Variants in PRKDC observed in about 807,000 individuals in gnomAD.
PRKDC encodes the protein protein kinase, DNA-activated, catalytic subunit.
Under a neutral mutation model 486.9 loss-of-function variants are expected in PRKDC, and 82 were observed. That is an observed-to-expected ratio of 0.17 (90% CI 0.14 to 0.20). The LOEUF is 0.20. PRKDC is among the 10% of genes least tolerant of loss of function. The pLI is 1.00. For synonymous variants in PRKDC, 1,895 were observed against 1,837.0 expected, an observed-to-expected ratio of 1.03 and a Z score of -0.81; for missense variants, 4,504 against 5,038.2, an observed-to-expected ratio of 0.89 and a Z score of 3.21.
intron 80 of PRKDC, among the ~76,000 whole-genome samples, chr8:47,780,858 A>G (rs2086687981): frequency 1.3e-5 from 2 of 152,162 alleles, no homozygotes; most frequent in South Asian, 2.1e-4. Flanking sequence ...GAATTGCTGG[A>G]ACCCGGGAAG....
chr8:47,800,010 A>C (rs2087066534), intron 71 of PRKDC, among the ~76,000 whole-genome samples: 1 of 152,212 alleles, frequency 6.6e-6, no homozygotes, highest in Non-Finnish European at 1.5e-5. Flanking sequence ...CATGATTTTT[A>C]ATATTAAAAA....
At chr8:47,789,287 A>G in intron 74 of PRKDC, 49 bp from the exon 75 acceptor site, 1 of 1,003,426 alleles carries the variant, frequency 1.0e-6, no homozygotes, top group Non-Finnish European at 1.4e-6. Context: ...TCTTCCAAAA[A>G]TCAATATATA....
In PRKDC at chr8:47,930,204, T is replaced by C. The variant is rs1213008424; in HGVS notation, c.1893-192A>G. On this transcript the variant is annotated intron_variant, in intron 17 of 85. Coordinates refer to ENST00000314191, the MANE Select transcript of PRKDC (RefSeq NM_006904.7). The stretch of plus-strand genomic sequence containing the variant: ...TTTTAAATATAAAAAATGAAAACTG[T>C]AACCTAGTACACTTAGATATATTTT... Among the ~76,000 whole-genome samples, 3 of 152,352 alleles carry C rather than the reference T, an allele frequency of 2.0e-5. No homozygotes were observed. In the East Asian group the frequency reaches 5.8e-4, roughly 29 times the overall value.
At chr8:47,833,931 C>G (rs746120883) in intron 59 of PRKDC, among the ~76,000 whole-genome samples, 11 of 152,164 alleles carry the variant, frequency 7.2e-5, no homozygotes, top group Non-Finnish European at 1.5e-4. Context: ...TACAATCACC[C>G]CTTTATAAAT....
Position 47,858,990 on chromosome 8 carries a change from C to A in PRKDC, c.6208-4G>T, listed in dbSNP as rs536722859. 8 of 1,612,010 alleles carry A rather than the reference C, an allele frequency of 5.0e-6. No homozygotes were observed. The African/African-American group carries it at 6.7e-5, about 13-fold the overall frequency. On this transcript the variant is annotated splice_region_variant and splice_polypyrimidine_tract_variant and intron_variant, in intron 46 of 85. Transcript: ENST00000314191. ...GCACCGTGGGGTCCCGCTGCTCCTG[C>A]GAAAGGGAGGGCCCAGGAGAGCAGA...
At chr8:47,849,630 G>A in intron 52 of PRKDC, 127 bp from the exon 53 acceptor site, 1 of 1,070,508 alleles carries the variant, frequency 9.3e-7, no homozygotes, top group Non-Finnish European at 1.3e-6. Context: ...CTACAAGGTA[G>A]ATGATGGGAC....
chr8:47,922,773 T>C (rs1394087975), intron 21 of PRKDC, among the ~76,000 whole-genome samples: 1 of 152,188 alleles, frequency 6.6e-6, no homozygotes, highest in Admixed American at 6.5e-5. Context: ...AATAATGTTT[T>C]AAAGACTTAT....
At position 47,953,835 on chromosome 8, in the gene PRKDC, C is replaced by T. The variant is rs368974848; in HGVS notation, c.593G>A (p.Arg198His). 1.3e-4 allele frequency: 201 copies of T among 1,571,434 alleles called. No homozygotes were observed. Among genetic ancestry groups the T allele is most frequent in the Non-Finnish European group, 1.6e-4 (183 of 1,156,266 alleles). The change falls in exon 6 of 86, where the codon CGC becomes CAC. Residue 198 changes from arginine (R) to histidine (H), a missense_variant. This residue lies in a region of PRKDC where 1,969 missense variants were observed against 2,068.9 expected (regional missense o/e 0.95). Transcript: ENST00000314191. ...GGTCTTAAGTTCACCCAGAAAAGCGCGGAACAGGTTTTCTGCATTATTTAT... is the reference window on the plus strand; with the variant it reads ...GGTCTTAAGTTCACCCAGAAAAGCGTGGAACAGGTTTTCTGCATTATTTAT... ...EMINNAENLFRAFLGELKTQM... is the reference protein window; with the variant it reads ...EMINNAENLFHAFLGELKTQM...
Position 47,779,046 on chromosome 8 carries a change from AT to A in PRKDC, c.11536del (p.Met3846CysfsTer12). Reference protein sequence around the residue: ...PCEYKDWLTKMSGKHDVGAYM... With the variant: ...PCEYKDWLTKXSGKHDVGAYM... ...AGCTCCAACATCATGTTTTCCTGAC[AT>A]TTTTGTCAGCCAATCTTTATATTCA... On this transcript the variant is annotated frameshift_variant, in exon 81 of 86. Transcript: ENST00000314191. LOFTEE classifies it high-confidence loss of function. 1.2e-6 allele frequency: 2 copies of A among 1,602,596 alleles called. No homozygotes were observed. Among genetic ancestry groups the A allele is most frequent in the Admixed American group, 1.7e-5 (1 of 58,420 alleles).
chr8:47,793,277 G>A (rs2086913696), intron 74 of PRKDC, among the ~76,000 whole-genome samples: 1 of 152,132 alleles, frequency 6.6e-6, no homozygotes, highest in African/African-American at 2.4e-5. Context: ...AGTATGGTGG[G>A]CAGGGCCTCA....
At chr8:47,931,019 G>A (rs984065137) in intron 16 of PRKDC, among the ~76,000 whole-genome samples, 1 of 152,210 alleles carries the variant, frequency 6.6e-6, no homozygotes, top group Non-Finnish European at 1.5e-5. Context: ...GGGACAAATA[G>A]GAAAATGCCA....
intron 28 of PRKDC, among the ~76,000 whole-genome samples, chr8:47,900,061 A>C (rs2089652698): frequency 6.6e-6 from 1 of 152,148 alleles, no homozygotes; most frequent in African/African-American, 2.4e-5. Context: ...GCACAGTTTC[A>C]TGTTCTGTCA....
At chr8:47,839,973 T>C (rs1272826875) in intron 55 of PRKDC, 43 bp downstream of exon 55, 4 of 1,454,840 alleles carry the variant, frequency 2.7e-6, no homozygotes, top group Non-Finnish European at 3.7e-6. Flanking sequence ...CAAGACCTTA[T>C]CTCAAAAAAG....
At chr8:47,884,948 G>A (rs1471050697) in intron 36 of PRKDC, among the ~76,000 whole-genome samples, 1 of 152,204 alleles carries the variant, frequency 6.6e-6, no homozygotes, top group African/African-American at 2.4e-5. Context: ...GAGGTCTACC[G>A]GGGTGCAGAG....
At chr8:47,936,645 G>C (rs2090357592) in intron 11 of PRKDC, 128 bp from the exon 12 acceptor site, 1 of 1,077,398 alleles carries the variant, frequency 9.3e-7, no homozygotes, top group African/African-American at 1.6e-5. Context: ...TTGAGACGAA[G>C]TTTCGCTCTT....
chr8:47,850,423 A>G (rs1357223016), intron 52 of PRKDC, among the ~76,000 whole-genome samples: 1 of 152,230 alleles, frequency 6.6e-6, no homozygotes, highest in Non-Finnish European at 1.5e-5. Context: ...TTTTTGAATT[A>G]GGGATGCTCA....
chr8:47,857,190 G>C lies in PRKDC; in HGVS notation c.6575C>G (p.Thr2192Ser), dbSNP rs2088561657. The C allele has an allele frequency of 6.2e-7, 1 of 1,613,952 alleles. No individual in the cohort carries two copies. The highest frequency in any genetic ancestry group is 8.5e-7 in the Non-Finnish European group (1 of 1,179,850). ...GGCCAAGCCTGTCCATGAAAGAATA[G>C]TGGCCACTATCTCAACCACCATGTA... is the stretch of plus-strand genomic sequence containing the variant. ...IHYMVVEIVA[T>S]ILSWTGLATP... is the part of the protein sequence containing the mutation. The change falls in exon 49 of 86, where the codon ACT becomes AGT. Residue 2192 changes from threonine (T) to serine (S), a missense_variant. Physicochemically the swap from Thr to Ser is moderately conservative, Grantham distance 58 (BLOSUM62 1). This residue lies in a region of PRKDC where 1,592 missense variants were observed against 1,724.6 expected (regional missense o/e 0.92). Coordinates refer to ENST00000314191, the MANE Select transcript of PRKDC (RefSeq NM_006904.7).
At chr8:47,895,130 G>A (rs771372634) in intron 30 of PRKDC, among the ~76,000 whole-genome samples, 5 of 152,136 alleles carry the variant, frequency 3.3e-5, no homozygotes, top group Non-Finnish European at 7.4e-5. Context: ...AGGAGGTTGA[G>A]GCAAGAGGAT....
intron 52 of PRKDC, among the ~76,000 whole-genome samples, 167 bp from the exon 53 acceptor site, chr8:47,849,670 C>T (rs1226472080): frequency 6.6e-6 from 1 of 152,212 alleles, no homozygotes; most frequent in Non-Finnish European, 1.5e-5. Context: ...TGCTGGTCTA[C>T]ACTGACCATC....
Sources: allele counts gnomAD v4.1 joint callset (sites outside exome capture counted in the v4.1 genomes callset), GRCh38; gene constraint gnomAD v4.1.1; regional missense constraint gnomAD v4.1.1; transcripts MANE v1.5; gene names NCBI Gene and HGNC (gene_info 2026-07-23, HGNC 2026-07-21).